FERMT1: variants seen among roughly 807,000 people sequenced by gnomAD.
The protein encoded by FERMT1 is fermitin family homolog 1.
In FERMT1, 60 loss-of-function variants were observed where a neutral mutation model predicts 85.3. The ratio of observed to expected loss-of-function variants is 0.70; its 90% CI spans 0.57 to 0.87. The LOEUF is 0.87. FERMT1 is among the 40% of genes least tolerant of loss of function. The pLI is 0.00. For synonymous variants in FERMT1, 275 were observed against 301.1 expected, an observed-to-expected ratio of 0.91 and a Z score of 0.90; for missense variants, 701 against 818.9, an observed-to-expected ratio of 0.86 and a Z score of 1.76.
intron 9 of FERMT1, among the ~76,000 whole-genome samples, chr20:6,094,631 C>T (rs1241849316): frequency 6.6e-6 from 1 of 152,138 alleles, no homozygotes; most frequent in African/African-American, 2.4e-5. Flanking sequence ...GTACTATGAA[C>T]CAGGTACCAC....
intron 1 of FERMT1, among the ~76,000 whole-genome samples, chr20:6,121,748 C>T (rs1983281760): frequency 6.6e-6 from 1 of 152,186 alleles, no homozygotes; most frequent in Admixed American, 6.5e-5. Context: ...GGTGGAAATC[C>T]AGGTCTGCCT....
chr20:6,107,934 C>G (rs532235906), intron 5 of FERMT1, among the ~76,000 whole-genome samples: 1 of 152,194 alleles, frequency 6.6e-6, no homozygotes, highest in Non-Finnish European at 1.5e-5. Flanking sequence ...GGTGCAGTCT[C>G]GGCTCACTGC....
intron 6 of FERMT1, among the ~76,000 whole-genome samples, chr20:6,100,369 C>T (rs1428490375): frequency 2.0e-5 from 3 of 151,916 alleles, no homozygotes; most frequent in Non-Finnish European, 2.9e-5. Context: ...TTGTGTAATT[C>T]CACTTATAGG....
At chr20:6,099,278 A>C (rs112975531) in intron 6 of FERMT1, among the ~76,000 whole-genome samples, 14,303 of 151,638 alleles carry the variant, frequency 0.094, 1,177 homozygotes, top group East Asian at 0.47. Context: ...TGGCAGGTGC[A>C]TGTAATCCCA....
At chr20:6,121,313 G>T (rs150603770) in intron 1 of FERMT1, among the ~76,000 whole-genome samples, 4 of 152,072 alleles carry the variant, frequency 2.6e-5, no homozygotes, top group African/African-American at 7.2e-5. Context: ...GTAGAGACAG[G>T]GTTTCACCAT....
intron 2 of FERMT1, among the ~76,000 whole-genome samples, chr20:6,118,397 C>T (rs1361501368): frequency 7.0e-6 from 1 of 142,048 alleles, no homozygotes; most frequent in Non-Finnish European, 1.5e-5. Flanking sequence ...TGGGAGGGGT[C>T]GGGGTATGGG....
intron 3 of FERMT1, among the ~76,000 whole-genome samples, chr20:6,113,866 A>T (rs1426705244): frequency 3.3e-5 from 5 of 152,160 alleles, no homozygotes; most frequent in Non-Finnish European, 1.5e-5. Context: ...TTGTACTTGA[A>T]TCCTTATCTC....
intron 8 of FERMT1, 83 bp from the exon 9 acceptor site, chr20:6,095,071 T>C: frequency 5.1e-6 from 4 of 778,400 alleles, no homozygotes; most frequent in Non-Finnish European, 9.3e-6. Context: ...AATATGGCAG[T>C]CCCTTGCTAT....
chr20:6,099,985 GAA>G (rs534444380), intron 6 of FERMT1, among the ~76,000 whole-genome samples: 1 of 137,950 alleles, frequency 7.2e-6, no homozygotes, highest in African/African-American at 2.6e-5. Context: ...GACTATCTCA[GAA>G]AAAAAAAAAA....
At position 6,112,461 on chromosome 20, in the gene FERMT1, C is replaced by T; in HGVS notation, c.532+16G>A. ...ACTGTACGTTCAAACAACAAAACAC[C>T]TGTAACAAGTCTTACCTGATGAACC... is the stretch of plus-strand genomic sequence containing the variant. On this transcript the variant is annotated intron_variant, in intron 4 of 14. Coordinates refer to ENST00000217289, the MANE Select transcript of FERMT1 (RefSeq NM_017671.5). The T allele has an allele frequency of 6.2e-7, 1 of 1,612,912 alleles. No homozygotes were observed. Among genetic ancestry groups the T allele is most frequent in the South Asian group, 1.1e-5 (1 of 91,036 alleles).
chr20:6,088,519 A>T (rs1982249977), intron 10 of FERMT1, among the ~76,000 whole-genome samples: 1 of 152,214 alleles, frequency 6.6e-6, no homozygotes, highest in Admixed American at 6.5e-5. Flanking sequence ...GAGCAGCTGC[A>T]GCCAGGCTGT....
At chr20:6,112,005 A>G (rs1416977794) in intron 4 of FERMT1, among the ~76,000 whole-genome samples, 1 of 151,868 alleles carries the variant, frequency 6.6e-6, no homozygotes, top group Non-Finnish European at 1.5e-5. Context: ...TGGGACCACA[A>G]GCATGCAGCA....
rs1010401719 is a variant in FERMT1 at position 6,075,711 on chromosome 20, C to G, written c.*1462G>C. On this transcript the variant is annotated 3_prime_UTR_variant, in exon 15 of 15. Coordinates refer to ENST00000217289, the MANE Select transcript of FERMT1 (RefSeq NM_017671.5). ...TAAAGCAACAGCTGACGCTCACGGG[C>G]CTCGGAACTCTGGCCAGGCTCCCTG... is the stretch of plus-strand genomic sequence containing the variant. 3 of 152,298 alleles carry G rather than the reference C, an allele frequency of 2.0e-5. No homozygotes were observed. The highest frequency in any genetic ancestry group is 7.2e-5 in the African/African-American group (3 of 41,420). 9.4% of individuals were successfully genotyped at this position (152,298 alleles called of 1,614,324 possible).
chr20:6,089,193 C>A, intron 9 of FERMT1, 104 bp from the exon 10 acceptor site: 1 of 1,189,880 alleles, frequency 8.4e-7, no homozygotes, highest in East Asian at 2.4e-5. Flanking sequence ...AAAGAAAACA[C>A]ACTTTGTTTT....
At position 6,083,663 on chromosome 20, in the gene FERMT1, C is replaced by A. The variant is rs113266725; in HGVS notation, c.1718+377G>T. 4.7e-3 allele frequency among the ~76,000 whole-genome samples: 359 copies of A among 75,722 alleles called. 1 individual carries two copies. Among genetic ancestry groups the A allele is most frequent in the Non-Finnish European group, 7.9e-3 (294 of 37,442 alleles). The allele number at this position is 75,722 out of a possible 152,430, so 49.7% of individuals were successfully genotyped here. On this transcript the variant is annotated intron_variant, in intron 13 of 14. Transcript: ENST00000217289. ...GGGCGGCAAAATGAGACACCCCCCC[C>A]CCCGGCCACCCTCCCCACACCCGAT...
intron 3 of FERMT1, among the ~76,000 whole-genome samples, chr20:6,114,717 G>A (rs138937980): frequency 1.7e-3 from 257 of 152,306 alleles, no homozygotes; most frequent in African/African-American, 6.0e-3. Context: ...AGTGAGGAAT[G>A]CAGAGATGCT....
intron 13 of FERMT1, among the ~76,000 whole-genome samples, chr20:6,082,185 G>A (rs1230032313): frequency 6.6e-6 from 1 of 152,232 alleles, no homozygotes; most frequent in Non-Finnish European, 1.5e-5. Flanking sequence ...AGAGGGAGGT[G>A]CAGGGGGAAG....
intron 2 of FERMT1, 126 bp downstream of exon 2, chr20:6,119,278 G>A: frequency 2.0e-6 from 2 of 977,816 alleles, no homozygotes; most frequent in Admixed American, 1.8e-5. Flanking sequence ...TCTGGGATGA[G>A]GGGTGGGGGA....
At chr20:6,119,148 A>G (rs543600085) in intron 2 of FERMT1, among the ~76,000 whole-genome samples, 2 of 152,220 alleles carry the variant, frequency 1.3e-5, no homozygotes, top group South Asian at 2.1e-4. Flanking sequence ...GGGTTTCGCC[A>G]TGTTGGCCAG....
Sources: allele counts gnomAD v4.1 joint callset (sites outside exome capture counted in the v4.1 genomes callset), GRCh38; gene constraint gnomAD v4.1.1; transcripts MANE v1.5; gene names NCBI Gene and HGNC (gene_info 2026-07-23, HGNC 2026-07-21).